Variants in CHN2 observed in about 807,000 individuals in gnomAD.
CHN2 encodes the protein beta-chimaerin.
Under a neutral mutation model 56.3 loss-of-function variants are expected in CHN2, and 35 were observed. That is an observed-to-expected ratio of 0.62 (90% CI 0.47 to 0.82). The LOEUF (loss-of-function observed/expected upper bound fraction) is 0.82, where lower values mean the gene tolerates loss of function less well. Among genes scored for constraint, CHN2 ranks in the 40% least tolerant of loss-of-function variants. The probability of loss-of-function intolerance (pLI) is 0.00; values close to 1 mark genes in which losing one functional copy is unlikely to be tolerated. For synonymous variants in CHN2, 210 were observed against 212.8 expected (o/e 0.99, Z 0.12); for missense variants, 491 against 580.5 (o/e 0.85, Z 1.58).
At chr7:29,155,245 G>A (rs1188685698) in intron 2 of CHN2, among the ~76,000 whole-genome samples, 1 of 151,988 alleles carries the variant, frequency 6.6e-6, no homozygotes, top group Non-Finnish European at 1.5e-5. Flanking sequence ...CTAAACTTGG[G>A]TTGCACCATT....
chr7:29,507,741 GAAT>G (rs1790749357), intron 11 of CHN2, among the ~76,000 whole-genome samples: 2 of 145,520 alleles, frequency 1.4e-5, no homozygotes, highest in Non-Finnish European at 3.1e-5. Flanking sequence ...ATTGGAAGAA[GAAT>G]GATTGTCTTG....
intron 6 of CHN2, among the ~76,000 whole-genome samples, chr7:29,411,152 A>T (rs1457287889): frequency 6.6e-6 from 1 of 152,174 alleles, no homozygotes; most frequent in Non-Finnish European, 1.5e-5. Flanking sequence ...CTGTGTCATC[A>T]GGAAACAGTT....
At chr7:29,220,280 A>AGGAGAG (rs1554366786) in intron 1 of CHN2, among the ~76,000 whole-genome samples, 1 of 138,140 alleles carries the variant, frequency 7.2e-6, no homozygotes, top group Non-Finnish European at 1.5e-5. Flanking sequence ...AAAAAAAAAA[A>AGGAGAG]AGAGAGAGAG....
chr7:29,426,335 T>C (rs1804867110), intron 6 of CHN2, among the ~76,000 whole-genome samples: 1 of 145,698 alleles, frequency 6.9e-6, no homozygotes, highest in African/African-American at 2.5e-5. Context: ...TAATAAACAA[T>C]TATGGACTAG....
At position 29,185,593 on chromosome 7, in the gene CHN2, AT is replaced by A. The variant is rs1485025808; in HGVS notation, c.274+38634del. 4.0e-5 allele frequency: 6 copies of A among 149,866 alleles called. No homozygotes were observed. The East Asian group carries it at 1.2e-3, about 29-fold the overall frequency. The allele number at this position is 149,866 out of a possible 1,614,324, so 9.3% of individuals were successfully genotyped here. On this transcript the variant is annotated intron_variant, in intron 2 of 6. Transcript: ENST00000439384. ...TATCAAACCTTAGCAGCATATCAAA[AT>A]CACCTGGGAATTAAAAAAAAAAAGG...
intron 2 of CHN2, among the ~76,000 whole-genome samples, chr7:29,358,448 G>A (rs1323147682): frequency 6.6e-6 from 1 of 151,230 alleles, no homozygotes; most frequent in Non-Finnish European, 1.5e-5. Flanking sequence ...TTCTAATGAT[G>A]ATTTATTTAT....
chr7:29,411,204 C>T, intron 6 of CHN2, among the ~76,000 whole-genome samples: 1 of 152,154 alleles, frequency 6.6e-6, no homozygotes, highest in East Asian at 1.9e-4. Flanking sequence ...TGAGGAGCCA[C>T]CGACTGGGTC....
chr7:29,459,165 C>T (rs568246842), intron 6 of CHN2, among the ~76,000 whole-genome samples: 13 of 152,258 alleles, frequency 8.5e-5, no homozygotes, highest in East Asian at 3.9e-4. Context: ...CAGATTCTCC[C>T]GCTCGGAAGG....
intron 1 of CHN2, among the ~76,000 whole-genome samples, chr7:29,290,230 C>G (rs1289651149): frequency 2.6e-5 from 4 of 152,168 alleles, no homozygotes; most frequent in Non-Finnish European, 5.9e-5. Flanking sequence ...CTCTGCATAC[C>G]TTTATTCCCT....
chr7:29,219,847 G>A (rs1352513259), intron 1 of CHN2, among the ~76,000 whole-genome samples: 1 of 152,120 alleles, frequency 6.6e-6, no homozygotes, highest in Non-Finnish European at 1.5e-5. Context: ...GAGGCGAGGT[G>A]GGCGGATCAC....
At chr7:29,243,084 G>T (rs1472851023) in intron 1 of CHN2, among the ~76,000 whole-genome samples, 1 of 151,702 alleles carries the variant, frequency 6.6e-6, no homozygotes, top group Non-Finnish European at 1.5e-5. Context: ...AGCTGGGTTA[G>T]TTCTATTAGA....
At position 29,353,523 on chromosome 7, in the gene CHN2, C is replaced by T. The variant is rs10215351; in HGVS notation, c.50-1102C>T. ...ATAAAAAATTGGCTGGGTGTGGTGG[C>T]GCACACCTGTAATCCAGCTACTCAG... On this transcript the variant is annotated intron_variant, in intron 1 of 12. Transcript: ENST00000222792. Among the ~76,000 whole-genome samples the T allele has an allele frequency of 6.7e-3, 1,016 of 152,196 alleles. 15 individuals are homozygous for T. The highest frequency in any genetic ancestry group is 0.022 in the African/African-American group (926 of 41,512).
intron 1 of CHN2, among the ~76,000 whole-genome samples, chr7:29,198,736 T>A (rs1228016757): frequency 6.6e-6 from 1 of 152,212 alleles, no homozygotes; most frequent in Non-Finnish European, 1.5e-5. Context: ...ATGGGTTACA[T>A]TTGCTTGTAT....
intron 1 of CHN2, among the ~76,000 whole-genome samples, chr7:29,308,596 C>T (rs1438217759): frequency 6.6e-6 from 1 of 152,158 alleles, no homozygotes; most frequent in Non-Finnish European, 1.5e-5. Flanking sequence ...TCTGCAGTCA[C>T]CTGCTGAGGA....
intron 1 of CHN2, among the ~76,000 whole-genome samples, chr7:29,258,699 G>A (rs951427279): frequency 8.5e-5 from 13 of 152,188 alleles, no homozygotes; most frequent in Admixed American, 2.0e-4. Context: ...CTACAAAAGC[G>A]TGAGACCCAC....
At chr7:29,446,407 G>A (rs889868409) in intron 6 of CHN2, among the ~76,000 whole-genome samples, 2 of 152,164 alleles carry the variant, frequency 1.3e-5, no homozygotes, top group Non-Finnish European at 2.9e-5. Flanking sequence ...AGATCCCTAT[G>A]TGTATCTATA....
At chr7:29,287,725 C>G (rs1792268651) in intron 1 of CHN2, among the ~76,000 whole-genome samples, 1 of 152,106 alleles carries the variant, frequency 6.6e-6, no homozygotes, top group East Asian at 1.9e-4. Flanking sequence ...CCCAAAGAGT[C>G]CTAACTAGTA....
intron 1 of CHN2, among the ~76,000 whole-genome samples, chr7:29,272,005 A>G (rs1452194797): frequency 6.6e-6 from 1 of 152,170 alleles, no homozygotes; most frequent in Admixed American, 6.5e-5. Flanking sequence ...CAGGAGAGAC[A>G]TGGAGAAAGG....
chr7:29,439,204 T>G (rs1783452227), intron 6 of CHN2, among the ~76,000 whole-genome samples: 2 of 152,266 alleles, frequency 1.3e-5, no homozygotes, highest in Admixed American at 6.5e-5. Flanking sequence ...ATTGTCATCA[T>G]GAATATTTAC....
Sources: gnomAD v4.1 joint callset for allele counts (sites outside exome capture counted in the v4.1 genomes callset) on GRCh38, gnomAD v4.1.1 for gene constraint, MANE v1.5 for transcripts, NCBI Gene and HGNC (gene_info 2026-07-23, HGNC 2026-07-21) for gene names.